The following FGFR1 variants were observed in gnomAD, a reference collection of about 807,000 sequenced individuals.
FGFR1 encodes the protein fibroblast growth factor receptor 1.
Under a neutral mutation model 93.7 loss-of-function variants are expected in FGFR1, and 18 were observed. The observed-to-expected ratio is 0.19, with a 90% CI of 0.13 to 0.28. FGFR1 has a LOEUF of 0.28. Among genes scored for constraint, FGFR1 ranks in the 10% least tolerant of loss-of-function variants. FGFR1 has a pLI of 1.00. For synonymous variants in FGFR1, 448 were observed against 429.3 expected (o/e 1.04, Z -0.54); for missense variants, 731 against 1,080.4 (o/e 0.68, Z 4.53).
rs200665092 is a variant in FGFR1 at position 38,417,270 on chromosome 8, C to T, written c.1663+36G>A. The T allele has an allele frequency of 2.2e-4, 335 of 1,522,536 alleles. 3 individuals carry two copies. The East Asian group carries it at 5.3e-3, about 24-fold the overall frequency. The allele number at this position is 1,522,536 out of a possible 1,614,324, so 94.3% of individuals were successfully genotyped here. On this transcript the variant is annotated intron_variant, in intron 12 of 17. Coordinates refer to ENST00000447712, the MANE Select transcript of FGFR1 (RefSeq NM_023110.3). The stretch of plus-strand genomic sequence containing the variant: ...GATACCCCAGCTCAGATCTTCTCCC[C>T]GCTGGGCAGGGAAAGCCAGTCTGGC...
chr8:38,450,152 CTTAA>C (rs1387654334), intron 2 of FGFR1, among the ~76,000 whole-genome samples: 2 of 152,142 alleles, frequency 1.3e-5, no homozygotes, highest in Non-Finnish European at 2.9e-5. Flanking sequence ...TAGCTTTCAG[CTTAA>C]TTATTTAGGG....
rs866281569 is a variant in FGFR1 at position 38,457,369 on chromosome 8, G to A, written c.78C>T (p.Thr26=). The change falls in exon 2 of 18, where the codon ACC becomes ACT. Residue 26 remains threonine (T), a synonymous_variant. Transcript: ENST00000447712. ...CCAGCACCTTACCTTGTTCAGGCAA[G>A]GTCGGGGACGGCCTAGCGGTGCAGA... ...ATLCTARPSP[T]LPEQAQPWGA... is the part of the protein sequence containing the mutation. 1 of 1,613,356 alleles carries A rather than the reference G, an allele frequency of 6.2e-7. No homozygotes were observed. The highest frequency in any genetic ancestry group is 1.7e-4 in the Middle Eastern group (1 of 5,966).
At chr8:38,463,497 G>C (rs1030157669) in intron 1 of FGFR1, 1 of 218,962 alleles carries the variant, frequency 4.6e-6, no homozygotes, top group Admixed American at 5.8e-5. Flanking sequence ...CGAAACTGCA[G>C]GCTCCTTCAG....
chr8:38,465,232 G>C (rs780046150), intron 1 of FGFR1, among the ~76,000 whole-genome samples: 1 of 152,236 alleles, frequency 6.6e-6, no homozygotes, highest in Non-Finnish European at 1.5e-5. Flanking sequence ...TCCATGGCCA[G>C]AGGCCAAGGA....
At position 38,424,410 on chromosome 8, in the gene FGFR1, C is replaced by A; in HGVS notation, c.936+99G>T. ...GTGCCTGAAGCGTGAGGAATGATCC[C>A]ATTCGGGGGCAACTGAGCCTGCCCA... On this transcript the variant is annotated intron_variant, in intron 7 of 17. Transcript: ENST00000447712. This position sits in a 1 kb window ranked among gnomAD's most constrained non-coding sequence, Gnocchi z 4.3. 1 of 1,296,938 alleles carries A rather than the reference C, an allele frequency of 7.7e-7. No individual in the cohort carries two copies. Among genetic ancestry groups the A allele is most frequent in the South Asian group, 1.2e-5 (1 of 83,266 alleles). 80.3% of individuals were successfully genotyped at this position (1,296,938 alleles called of 1,614,324 possible).
chr8:38,431,003 G>C (rs1183695974), intron 2 of FGFR1, among the ~76,000 whole-genome samples: 1 of 152,146 alleles, frequency 6.6e-6, no homozygotes, highest in African/African-American at 2.4e-5. Context: ...TTTCCTTTTA[G>C]GATGTTCAAA....
At chr8:38,430,011 G>C in intron 2 of FGFR1, 63 bp from the exon 3 acceptor site, 17 of 1,489,632 alleles carry the variant, frequency 1.1e-5, no homozygotes, top group Admixed American at 2.0e-5. Context: ...AGGGAGAGGG[G>C]AGGAGGGGAG....
At chr8:38,430,498 C>CGGAGAG (rs879261149) in intron 2 of FGFR1, 4 of 154,538 alleles carry the variant, frequency 2.6e-5, no homozygotes, top group African/African-American at 7.2e-5. Context: ...GCGTGTGATT[C>CGGAGAG]GGAGAGGGTG....
rs1814569288 is a variant in FGFR1, at chr8:38,412,075, TTTTTG to T, written c.*1548_*1552del. On this transcript the variant is annotated 3_prime_UTR_variant, in exon 18 of 18. Transcript: ENST00000447712. ...TGCAGACCTTCATCATTTGTTTTCCTTTTTGTTTTCTCTGTTGCCCAGGCTGGAGT... is the reference window on the plus strand; with the variant it reads ...TGCAGACCTTCATCATTTGTTTTCCTTTTTCTCTGTTGCCCAGGCTGGAGT... 2 of 218,366 alleles carry T rather than the reference TTTTTG, an allele frequency of 9.2e-6. No individual in the cohort carries two copies. The highest frequency in any genetic ancestry group is 1.4e-4 in the East Asian group (2 of 14,800). 13.5% of individuals were successfully genotyped at this position (218,366 alleles called of 1,614,324 possible).
Position 38,413,088 on chromosome 8 carries a change from G to C in FGFR1, c.*540C>G, listed in dbSNP as rs908521536. 11 of 238,856 alleles carry C rather than the reference G, an allele frequency of 4.6e-5. No individual in the cohort carries two copies. Among genetic ancestry groups the C allele is most frequent in the Non-Finnish European group, 7.4e-5 (9 of 121,464 alleles). 14.8% of individuals were successfully genotyped at this position (238,856 alleles called of 1,614,324 possible). ...TTCGCCTCACCATCCTCTGGTACCA[G>C]GCATTTGGTCAGCAAAGCAAACTAG... On this transcript the variant is annotated 3_prime_UTR_variant, in exon 18 of 18. Transcript: ENST00000447712. This position sits in a 1 kb window ranked among gnomAD's most constrained non-coding sequence, Gnocchi z 4.2.
chr8:38,445,433 A>T (rs923363110), intron 2 of FGFR1, among the ~76,000 whole-genome samples: 1 of 152,184 alleles, frequency 6.6e-6, no homozygotes, highest in African/African-American at 2.4e-5. Context: ...AGGCCAATAA[A>T]TTTTTTAAAT....
rs1388442293 is a variant in FGFR1, at chr8:38,414,817, C to T, written c.1939G>A (p.Asp647Asn). 3.1e-6 allele frequency: 5 copies of T among 1,613,880 alleles called. No homozygotes were observed. The East Asian group carries it at 1.1e-4, about 36-fold the overall frequency. ...TTATAGTAGTCGATGTGGTGAATGT[C>T]CCGTGCGAGGCCAAAGTCTGCTATC... is the stretch of plus-strand genomic sequence containing the variant. The part of the protein sequence containing the change: ...MKIADFGLAR[D>N]IHHIDYYKKT... Residue 647 changes from aspartate to asparagine, a missense_variant, in exon 14 of 18, where the codon GAC (aspartate) becomes AAC (asparagine). By Grantham distance (23) the Asp-to-Asn change is conservative. This residue lies in a region of FGFR1 where 44 missense variants were observed against 99.9 expected (regional missense o/e 0.44). Transcript: ENST00000447712.
At chr8:38,428,472 G>C (rs1425441490) in intron 3 of FGFR1, 37 bp from the exon 4 acceptor site, 1 of 1,548,400 alleles carries the variant, frequency 6.5e-7, no homozygotes, top group Admixed American at 1.9e-5. Flanking sequence ...GTTCCTCCTA[G>C]GGACCCCTAG....
chr8:38,415,815 A>AG (rs780976033), intron 13 of FGFR1, 55 bp downstream of exon 13: 4 of 1,543,168 alleles, frequency 2.6e-6, no homozygotes, highest in Admixed American at 1.7e-5. Context: ...CTGGAAGACT[A>AG]GGGGGGCTCT....
intron 2 of FGFR1, chr8:38,434,430 C>T (rs1824477158): frequency 1.3e-5 from 5 of 378,424 alleles, no homozygotes; most frequent in Non-Finnish European, 2.6e-5. Flanking sequence ...TGGCTCAACA[C>T]TGATGGAAGT....
intron 1 of FGFR1, among the ~76,000 whole-genome samples, chr8:38,462,943 C>T (rs1394578317): frequency 2.8e-5 from 4 of 145,416 alleles, no homozygotes; most frequent in Non-Finnish European, 6.0e-5. Context: ...CTTCCTCTGT[C>T]CCCCAGGCTG....
At position 38,413,090 on chromosome 8, in the gene FGFR1, C is replaced by T. The variant is rs892548190; in HGVS notation, c.*538G>A. ...CGCCTCACCATCCTCTGGTACCAGG[C>T]ATTTGGTCAGCAAAGCAAACTAGTA... On this transcript the variant is annotated 3_prime_UTR_variant, in exon 18 of 18. Transcript: ENST00000447712. The surrounding 1 kb of genome is among the most constrained non-coding windows in gnomAD (Gnocchi z 4.2). The T allele has an allele frequency of 8.4e-6, 2 of 239,004 alleles. No individual in the cohort carries two copies. The highest frequency in any genetic ancestry group is 4.4e-5 in the African/African-American group (2 of 45,402). 14.8% of individuals were successfully genotyped at this position (239,004 alleles called of 1,614,324 possible).
At position 38,424,747 on chromosome 8, in the gene FGFR1, G is replaced by C. The variant is rs1277751519; in HGVS notation, c.746-48C>G. 3 of 1,583,694 alleles carry C rather than the reference G, an allele frequency of 1.9e-6. No homozygotes were observed. In the Middle Eastern group the frequency reaches 5.2e-4, roughly 275 times the overall value. ...CACTTGTCATGGGGACCTTGCCATG[G>C]CTAAAGAGGGGTGGGCTCACCTGCG... On this transcript the variant is annotated intron_variant, in intron 6 of 17. Transcript: ENST00000447712. This position sits in a 1 kb window ranked among gnomAD's most constrained non-coding sequence, Gnocchi z 4.3.
At chr8:38,419,426 C>A (rs1817903026) in intron 9 of FGFR1, 107 bp downstream of exon 9, 1 of 1,084,510 alleles carries the variant, frequency 9.2e-7, no homozygotes, top group African/African-American at 1.5e-5. Flanking sequence ...GCCCAGAAGC[C>A]AGAAAATAAG....
Sources: allele counts gnomAD v4.1 joint callset (sites outside exome capture counted in the v4.1 genomes callset), GRCh38; gene constraint gnomAD v4.1.1; regional missense constraint gnomAD v4.1.1; non-coding constraint Gnocchi (gnomAD v3.1); transcripts MANE v1.5; gene names NCBI Gene and HGNC (gene_info 2026-07-23, HGNC 2026-07-21).